The following CPAMD8 variants were observed in gnomAD, a reference collection of about 807,000 sequenced individuals.
CPAMD8 encodes the protein C3 and PZP-like alpha-2-macroglobulin domain-containing protein 8.
A neutral mutation model predicts 224.7 loss-of-function variants in CPAMD8; 146 were observed. The observed-to-expected ratio is 0.65, with a 90% CI of 0.57 to 0.75. The LOEUF is 0.75. CPAMD8 is among the 30% of genes least tolerant of loss of function. The probability of loss-of-function intolerance (pLI) is 0.00; values close to 1 mark genes in which losing one functional copy is unlikely to be tolerated. For missense variants in CPAMD8, 2,301 were observed against 2,537.5 expected (o/e 0.91, Z 2.00); for synonymous variants, 966 against 1,044.6 (o/e 0.92, Z 1.45).
At chr19:17,020,077 C>T (rs1439776703) in intron 3 of CPAMD8, among the ~76,000 whole-genome samples, 3 of 149,368 alleles carry the variant, frequency 2.0e-5, no homozygotes, top group African/African-American at 5.0e-5. Flanking sequence ...CAGGTTCAAG[C>T]GATTCTCCTG....
At chr19:16,930,182 G>A (rs1401947252) in intron 23 of CPAMD8, among the ~76,000 whole-genome samples, 1 of 151,916 alleles carries the variant, frequency 6.6e-6, no homozygotes, top group Non-Finnish European at 1.5e-5. Flanking sequence ...TTGAACCCAG[G>A]AGGTGGAGGT....
intron 20 of CPAMD8, among the ~76,000 whole-genome samples, chr19:16,948,840 A>AGGGAAGAGAAGGGAAGGGAG (rs1555774792): frequency 4.9e-4 from 40 of 81,760 alleles, no homozygotes; most frequent in African/African-American, 1.8e-3. Flanking sequence ...AGGGAGGAGA[A>AGGGAAGAGAAGGGAAGGGAG]GGGAAGAGAA....
chr19:16,945,200 C>A (rs1207780246), intron 22 of CPAMD8, among the ~76,000 whole-genome samples: 2 of 152,090 alleles, frequency 1.3e-5, no homozygotes, highest in African/African-American at 4.8e-5. Context: ...AATGACAATG[C>A]CCCAAATGCT....
Position 16,914,463 on chromosome 19 carries a change from G to A in CPAMD8, c.3822C>T (p.Tyr1274=), listed in dbSNP as rs201109294. The change falls in exon 29 of 42, where the codon TAC becomes TAT. Residue 1274 remains tyrosine, a synonymous_variant. Transcript: ENST00000443236. ...CTGTTTCCAGGAGAGCAACCACCAC[G>A]TAGGCTGTCAGCGGGACAGTGCCGT... ...GIHGTVPLTA[Y]VVVALLETGT... 1.0e-4 allele frequency: 162 copies of A among 1,614,160 alleles called. No individual in the cohort carries two copies. In the Admixed American group the frequency reaches 1.1e-3, roughly 11 times the overall value.
At chr19:17,019,600 G>C (rs2056899987) in intron 3 of CPAMD8, among the ~76,000 whole-genome samples, 1 of 152,194 alleles carries the variant, frequency 6.6e-6, no homozygotes, top group Admixed American at 6.5e-5. Flanking sequence ...CTGTTGCCCA[G>C]GCTGGAGTGC....
intron 18 of CPAMD8, among the ~76,000 whole-genome samples, chr19:16,958,795 T>C (rs1044939058): frequency 2.1e-5 from 3 of 143,090 alleles, no homozygotes; most frequent in Admixed American, 7.3e-5. Context: ...ATTTTTTTAC[T>C]TTTTTTTTCT....
intron 41 of CPAMD8, 36 bp from the exon 42 acceptor site, chr19:16,893,375 A>C (rs997563559): frequency 7.1e-7 from 1 of 1,398,986 alleles, no homozygotes; most frequent in Non-Finnish European, 9.7e-7. Flanking sequence ...CATCCTCTAC[A>C]GCAAGTGGGC....
chr19:16,928,829 T>C (rs2053456372), intron 24 of CPAMD8, 113 bp downstream of exon 24: 4 of 793,430 alleles, frequency 5.0e-6, no homozygotes, highest in Non-Finnish European at 7.8e-6. Flanking sequence ...TGGTGCTCCA[T>C]GTTTCCCTTG....
At chr19:16,975,365 T>A in intron 16 of CPAMD8, 107 bp from the exon 17 acceptor site, 1 of 857,058 alleles carries the variant, frequency 1.2e-6, no homozygotes, top group South Asian at 1.6e-5. Flanking sequence ...TATCACGTCA[T>A]GACAACCTCC....
At chr19:16,962,234 A>G in intron 18 of CPAMD8, among the ~76,000 whole-genome samples, 1 of 152,234 alleles carries the variant, frequency 6.6e-6, no homozygotes, top group East Asian at 1.9e-4. Flanking sequence ...TGGTAATAAC[A>G]AACTTCTCTG....
chr19:17,009,769 G>A (rs527664029), intron 5 of CPAMD8, among the ~76,000 whole-genome samples: 14 of 148,420 alleles, frequency 9.4e-5, no homozygotes, highest in Admixed American at 2.0e-4. Flanking sequence ...GCGAGACTCC[G>A]TCTCAAAAAA....
At chr19:16,993,675 C>A (rs1190739293) in intron 11 of CPAMD8, 89 bp from the exon 12 acceptor site, 17 of 1,214,990 alleles carry the variant, frequency 1.4e-5, no homozygotes, top group Non-Finnish European at 1.9e-5. Flanking sequence ...CCACTGGAAT[C>A]CCAGCAGGCT....
In CPAMD8 at chr19:16,925,381, AAGG is replaced by A. The variant is rs764714848; in HGVS notation, c.3371-12_3371-10del. The A allele has an allele frequency of 1.3e-5, 21 of 1,611,770 alleles. No individual in the cohort carries two copies. Among genetic ancestry groups the A allele is most frequent in the Middle Eastern group, 1.7e-4 (1 of 5,858 alleles). On this transcript the variant is annotated splice_polypyrimidine_tract_variant and intron_variant, in intron 25 of 41. Coordinates refer to ENST00000443236, the MANE Select transcript of CPAMD8 (RefSeq NM_015692.5). ...TGGCCCCATGACGTCCCCTGGTGGGAAGGAGAAGAGAGTTGAGTTGGGGGCTGT... is the reference window on the plus strand; with the variant it reads ...TGGCCCCATGACGTCCCCTGGTGGGAAGAAGAGAGTTGAGTTGGGGGCTGT...
At position 17,011,664 on chromosome 19, in the gene CPAMD8, C is replaced by A. The variant is rs1478229583; in HGVS notation, c.361G>T (p.Val121Leu). The change falls in exon 4 of 42, where the codon GTG (valine) becomes TTG (leucine). Residue 121 changes from valine (V) to leucine (L), a missense_variant. By Grantham distance (32) the Val-to-Leu change is conservative. Coordinates refer to ENST00000443236, the MANE Select transcript of CPAMD8 (RefSeq NM_015692.5). ...EGPLFHNQTSVTVDGRGASVF... is the reference protein window; with the variant it reads ...EGPLFHNQTSLTVDGRGASVF... ...GAAGCGCCCCGGCCGTCCACGGTCA[C>A]CGAGGTCTGGTTGTGAAAGAGGGGC... 6.2e-7 allele frequency: 1 copy of A among 1,613,938 alleles called. No individual in the cohort carries two copies. The highest frequency in any genetic ancestry group is 8.5e-7 in the Non-Finnish European group (1 of 1,180,016).
At chr19:16,998,323 G>A (rs1366596705) in intron 10 of CPAMD8, among the ~76,000 whole-genome samples, 6 of 152,122 alleles carry the variant, frequency 3.9e-5, no homozygotes, top group South Asian at 4.1e-4. Context: ...ATCCCAACAC[G>A]GTGGCACATG....
At chr19:16,986,183 G>A (rs1216048836) in intron 13 of CPAMD8, among the ~76,000 whole-genome samples, 1 of 152,126 alleles carries the variant, frequency 6.6e-6, no homozygotes, top group Admixed American at 6.6e-5. Context: ...CCCCCTGCCG[G>A]GGCCCTGGCG....
intron 41 of CPAMD8, 182 bp from the exon 42 acceptor site, chr19:16,893,521 G>C: frequency 1.8e-6 from 1 of 541,242 alleles, no homozygotes; most frequent in Non-Finnish European, 3.3e-6. Context: ...GCAGAGATCA[G>C]GGCTGAGCGG....
At chr19:16,971,128 C>A in intron 17 of CPAMD8, 95 bp from the exon 18 acceptor site, 1 of 1,114,566 alleles carries the variant, frequency 9.0e-7, no homozygotes, top group South Asian at 1.7e-5. Flanking sequence ...GGCCACTGTC[C>A]CAATATCAGC....
chr19:16,933,647 G>C (rs1480657456), intron 23 of CPAMD8, among the ~76,000 whole-genome samples: 3 of 152,142 alleles, frequency 2.0e-5, no homozygotes, highest in Non-Finnish European at 2.9e-5. Flanking sequence ...ATGTCACTGG[G>C]TATCTATTAG....
Sources: allele counts gnomAD v4.1 joint callset (sites outside exome capture counted in the v4.1 genomes callset), GRCh38; gene constraint gnomAD v4.1.1; transcripts MANE v1.5; gene names NCBI Gene and HGNC (gene_info 2026-07-23, HGNC 2026-07-21).